NAA50: variants seen among roughly 807,000 people sequenced by gnomAD.
The protein encoded by NAA50 is N-alpha-acetyltransferase 50, NatE catalytic subunit.
In NAA50, 7 loss-of-function variants were observed where a neutral mutation model predicts 20.7. The observed-to-expected ratio is 0.34, with a 90% CI of 0.19 to 0.63. The LOEUF is 0.63. NAA50 is among the 30% of genes least tolerant of loss of function. The pLI, the probability that NAA50 is intolerant of heterozygous loss-of-function variation, is 0.75. For synonymous variants in NAA50, 54 were observed against 70.6 expected (o/e 0.77, Z 1.18); for missense variants, 111 against 199.1 (o/e 0.56, Z 2.66).
At chr3:113,745,886 T>C (rs1054952662) in intron 1 of NAA50, 56 bp downstream of exon 1, 3 of 1,577,842 alleles carry the variant, frequency 1.9e-6, no homozygotes, top group Middle Eastern at 1.7e-4. Context: ...CCCCTCTACA[T>C]GGGCCCGGAC....
At position 113,721,614 on chromosome 3, in the gene NAA50, C is replaced by T. The variant is rs1708136750; in HGVS notation, c.*146G>A. Reference sequence around the variant, plus strand: ...TAAAGTCCTTGAAAGTATTAAAACTCTCAGAGAAAAGGAAAGGAAGAAAGA... The same window carrying T: ...TAAAGTCCTTGAAAGTATTAAAACTTTCAGAGAAAAGGAAAGGAAGAAAGA... On this transcript the variant is annotated 3_prime_UTR_variant, in exon 5 of 5. Transcript: ENST00000240922. 3.8e-6 allele frequency: 3 copies of T among 793,834 alleles called. No individual in the cohort carries two copies. 49.2% of individuals were successfully genotyped at this position (793,834 alleles called of 1,614,324 possible). A position where few individuals can be genotyped will look rare whatever the true frequency, so the allele number is the denominator to read the frequency against.
intron 1 of NAA50, among the ~76,000 whole-genome samples, chr3:113,727,831 A>ATT (rs1708218064): frequency 2.0e-5 from 3 of 152,306 alleles, no homozygotes; most frequent in African/African-American, 7.2e-5. Flanking sequence ...TTTTTGAGAA[A>ATT]TTAATTTGAT....
intron 1 of NAA50, among the ~76,000 whole-genome samples, chr3:113,743,570 TTGAG>T (rs1340170999): frequency 5.9e-5 from 9 of 152,110 alleles, no homozygotes; most frequent in Admixed American, 5.9e-4. Context: ...AACTCATTTG[TTGAG>T]TGTCTTAAAT....
intron 1 of NAA50, among the ~76,000 whole-genome samples, chr3:113,742,840 T>A (rs1038177766): frequency 6.6e-6 from 1 of 152,240 alleles, no homozygotes; most frequent in African/African-American, 2.4e-5. Context: ...ACCTCTTTAC[T>A]ACAATTGAAG....
intron 2 of NAA50, 151 bp from the exon 3 acceptor site, chr3:113,723,692 T>TCCTC: frequency 9.8e-7 from 1 of 1,021,342 alleles, no homozygotes; most frequent in Non-Finnish European, 1.4e-6. Flanking sequence ...TTATGCCATC[T>TCCTC]TAGGAAGTTT....
At chr3:113,744,248 G>A (rs772748762) in intron 1 of NAA50, among the ~76,000 whole-genome samples, 9 of 152,100 alleles carry the variant, frequency 5.9e-5, no homozygotes, top group Non-Finnish European at 1.0e-4. Flanking sequence ...GATCGCTTGA[G>A]CTCAGGAGTT....
At chr3:113,733,851 TC>T (rs1224063702) in intron 1 of NAA50, among the ~76,000 whole-genome samples, 1 of 68,918 alleles carries the variant, frequency 1.5e-5, no homozygotes, top group African/African-American at 9.0e-5. Context: ...AGACTCTGTC[TC>T]CAAAAAAAAA....
chr3:113,741,824 G>A (rs984195555), intron 1 of NAA50, among the ~76,000 whole-genome samples: 3 of 152,182 alleles, frequency 2.0e-5, no homozygotes, highest in Admixed American at 1.3e-4. Flanking sequence ...AACACAACAT[G>A]AGTCAACAAT....
intron 3 of NAA50, among the ~76,000 whole-genome samples, 158 bp from the exon 4 acceptor site, chr3:113,723,130 A>C (rs1708157946): frequency 1.3e-5 from 2 of 152,168 alleles, no homozygotes; most frequent in Non-Finnish European, 2.9e-5. Context: ...CTCTCTCTAC[A>C]ATAGCTACGT....
intron 1 of NAA50, among the ~76,000 whole-genome samples, chr3:113,739,823 T>C (rs1233278752): frequency 2.6e-5 from 4 of 152,196 alleles, no homozygotes; most frequent in Non-Finnish European, 5.9e-5. Context: ...TCCTGTTTTA[T>C]ACAACTTTGG....
rs1430749873 is a variant in NAA50, at chr3:113,745,297, C to G, written c.8+645G>C. Among the ~76,000 whole-genome samples the G allele has an allele frequency of 2.0e-5, 3 of 152,130 alleles. No individual in the cohort carries two copies. The East Asian group carries it at 5.8e-4, about 29-fold the overall frequency. On this transcript the variant is annotated intron_variant, in intron 1 of 4. Coordinates refer to ENST00000240922, the MANE Select transcript of NAA50 (RefSeq NM_025146.4). Reference sequence around the variant, plus strand: ...AGCACTCAGGGGCAATAGTGAACTACTGAAGCAACAGCTCCACCTACTGAT... The same window carrying G: ...AGCACTCAGGGGCAATAGTGAACTAGTGAAGCAACAGCTCCACCTACTGAT...
Position 113,746,242 on chromosome 3 carries a change from G to C in NAA50, c.-293C>G. 2.4e-6 allele frequency: 1 copy of C among 411,246 alleles called. No individual in the cohort carries two copies. Among genetic ancestry groups the C allele is most frequent in the Non-Finnish European group, 4.3e-6 (1 of 230,898 alleles). The allele number at this position is 411,246 out of a possible 1,614,324, so 25.5% of individuals were successfully genotyped here. A position where few individuals can be genotyped will look rare whatever the true frequency, so the allele number is the denominator to read the frequency against. On this transcript the variant is annotated 5_prime_UTR_variant, in exon 1 of 5. Coordinates refer to ENST00000240922, the MANE Select transcript of NAA50 (RefSeq NM_025146.4). ...CCAGCCAGACCCGCTGCCGCGCTGTGACCTTTCACCCCGCCCCTCGCGCGC... is the reference window on the plus strand; with the variant it reads ...CCAGCCAGACCCGCTGCCGCGCTGTCACCTTTCACCCCGCCCCTCGCGCGC...
Position 113,746,118 on chromosome 3 carries a change from T to G in NAA50, c.-169A>C, listed in dbSNP as rs924736580. 1.3e-6 allele frequency: 1 copy of G among 795,424 alleles called. No homozygotes were observed. The highest frequency in any genetic ancestry group is 1.8e-5 in the African/African-American group (1 of 56,346). 49.3% of individuals were successfully genotyped at this position (795,424 alleles called of 1,614,324 possible). ...AGGCCGCGAGAGTCGAGTGAGGGCT[T>G]GAGTCTGGTGGGGGCGGGAGTGTCT... On this transcript the variant is annotated 5_prime_UTR_variant, in exon 1 of 5. Coordinates refer to ENST00000240922, the MANE Select transcript of NAA50 (RefSeq NM_025146.4).
intron 1 of NAA50, among the ~76,000 whole-genome samples, chr3:113,739,198 A>T (rs1226494859): frequency 1.3e-5 from 2 of 152,200 alleles, no homozygotes; most frequent in Non-Finnish European, 2.9e-5. Context: ...TATTTCTATC[A>T]TTTTAATGTA....
chr3:113,721,732 A>G lies in NAA50; in HGVS notation c.*28T>C. On this transcript the variant is annotated 3_prime_UTR_variant, in exon 5 of 5. Transcript: ENST00000240922. ...CCTCTCTTTTATTTGGCGACAAGCA[A>G]GTGCAAGAAAGTTCATTTGTAATTT... 6.2e-7 allele frequency: 1 copy of G among 1,612,560 alleles called. No homozygotes were observed. Among genetic ancestry groups the G allele is most frequent in the Non-Finnish European group, 8.5e-7 (1 of 1,179,304 alleles).
chr3:113,731,447 C>G (rs1356271888), intron 1 of NAA50, among the ~76,000 whole-genome samples: 2 of 152,148 alleles, frequency 1.3e-5, no homozygotes, highest in Non-Finnish European at 2.9e-5. Context: ...TTAAATCCCC[C>G]TCATTTCTTT....
At position 113,716,509 on chromosome 3, in the gene NAA50, AAGG is replaced by A. The variant is rs1708050728; in HGVS notation, c.*5248_*5250del. 1 of 152,234 alleles carries A rather than the reference AAGG, an allele frequency of 6.6e-6. No homozygotes were observed. The highest frequency in any genetic ancestry group is 2.4e-5 in the African/African-American group (1 of 41,450). 9.4% of individuals were successfully genotyped at this position (152,234 alleles called of 1,614,324 possible). On this transcript the variant is annotated 3_prime_UTR_variant, in exon 5 of 5. Coordinates refer to ENST00000240922, the MANE Select transcript of NAA50 (RefSeq NM_025146.4). ...TTTAGGGGAAGAGATGGCTAGTGAC[AAGG>A]AGAATTCAAGATTGTTCAAATCTTT...
At chr3:113,728,904 C>T (rs1287158759) in intron 1 of NAA50, among the ~76,000 whole-genome samples, 1 of 152,090 alleles carries the variant, frequency 6.6e-6, no homozygotes, top group Non-Finnish European at 1.5e-5. Flanking sequence ...CCTCTCCATC[C>T]TTGGCTGCAG....
intron 1 of NAA50, among the ~76,000 whole-genome samples, chr3:113,725,918 G>T (rs1708193060): frequency 6.6e-6 from 1 of 152,102 alleles, no homozygotes; most frequent in Admixed American, 6.5e-5. Context: ...ATTCTACTTG[G>T]TAAGGAGTTA....
Sources: allele counts gnomAD v4.1 joint callset (sites outside exome capture counted in the v4.1 genomes callset), GRCh38; gene constraint gnomAD v4.1.1; transcripts MANE v1.5; gene names NCBI Gene and HGNC (gene_info 2026-07-23, HGNC 2026-07-21).